Variants in LRSAM1 observed in about 807,000 individuals in gnomAD.
LRSAM1 encodes leucine rich repeat and sterile alpha motif containing 1.
Under a neutral mutation model 118.1 loss-of-function variants are expected in LRSAM1, and 96 were observed. The ratio of observed to expected loss-of-function variants is 0.81; its 90% CI spans 0.69 to 0.96. The LOEUF (loss-of-function observed/expected upper bound fraction) is 0.96, where lower values mean the gene tolerates loss of function less well. Ranked by LOEUF, LRSAM1 falls within the 40% of genes least tolerant of loss-of-function variation. The probability of loss-of-function intolerance (pLI) is 0.00; values close to 1 mark genes in which losing one functional copy is unlikely to be tolerated. For synonymous variants in LRSAM1, 322 were observed against 364.2 expected, an observed-to-expected ratio of 0.88 and a Z score of 1.32; for missense variants, 804 against 915.5, an observed-to-expected ratio of 0.88 and a Z score of 1.57.
At chr9:127,481,113 C>A (rs1441135760) in intron 14 of LRSAM1, 70 bp from the exon 15 acceptor site, 1 of 1,562,986 alleles carries the variant, frequency 6.4e-7, no homozygotes, top group Non-Finnish European at 8.8e-7. Flanking sequence ...CCCCTCTGCA[C>A]AGCTAACGCA....
At chr9:127,500,895 G>C (rs1046216914) in intron 24 of LRSAM1, 115 bp from the exon 25 acceptor site, 4 of 1,437,606 alleles carry the variant, frequency 2.8e-6, no homozygotes, top group Middle Eastern at 1.7e-4. Flanking sequence ...GAGAGCAGAG[G>C]CTCCCCCACC....
Position 127,499,933 on chromosome 9 carries a change from A to G in LRSAM1, c.1913-1077A>G, listed in dbSNP as rs191399506. 7.2e-3 allele frequency among the ~76,000 whole-genome samples: 1,088 copies of G among 152,084 alleles called. 11 individuals carry two copies. Among genetic ancestry groups the G allele is most frequent in the African/African-American group, 0.025 (1,040 of 41,498 alleles). ...AGTGAGACTCCATCTCAAAAAAAAA[A>G]AGAAAAACTTTAGTTTTTCCTGTTA... On this transcript the variant is annotated intron_variant, in intron 24 of 25. Coordinates refer to ENST00000300417, the MANE Select transcript of LRSAM1 (RefSeq NM_001005373.4).
chr9:127,503,154 G>T lies in LRSAM1; in HGVS notation c.*255G>T. The T allele has an allele frequency of 3.7e-6, 2 of 538,478 alleles. No individual in the cohort carries two copies. Among genetic ancestry groups the T allele is most frequent in the Non-Finnish European group, 3.3e-6 (1 of 298,572 alleles). The allele number at this position is 538,478 out of a possible 1,614,324, so 33.4% of individuals were successfully genotyped here. On this transcript the variant is annotated 3_prime_UTR_variant, in exon 26 of 26. Coordinates refer to ENST00000300417, the MANE Select transcript of LRSAM1 (RefSeq NM_001005373.4). Reference sequence around the variant, plus strand: ...GAGAGGCCGCTGCACCACCACCCGAGCCTGGGAGCCAGCGTCCCAGCCTAA... The same window carrying T: ...GAGAGGCCGCTGCACCACCACCCGATCCTGGGAGCCAGCGTCCCAGCCTAA...
intron 19 of LRSAM1, among the ~76,000 whole-genome samples, chr9:127,490,721 G>A (rs1374346504): frequency 6.6e-6 from 1 of 152,216 alleles, no homozygotes; most frequent in Non-Finnish European, 1.5e-5. Flanking sequence ...CAAGTGTGCA[G>A]CACAGGCCTA....
rs775743246 is a variant in LRSAM1 at position 127,497,293 on chromosome 9, G to A, written c.1871G>A (p.Arg624Gln). The part of the protein sequence containing the change: ...SEAGLQHEIL[R>Q]RVQELLDAAR... ...GCTGGCCTGCAGCACGAGATCCTCC[G>A]GAGAGTCCAGGAACTGCTGGATGCA... The change falls in exon 24 of 26, where the codon CGG becomes CAG. Residue 624 changes from arginine (R) to glutamine (Q), a missense_variant. Arg to Gln is a conservative substitution (Grantham distance 43, BLOSUM62 1). Coordinates refer to ENST00000300417, the MANE Select transcript of LRSAM1 (RefSeq NM_001005373.4). 17 of 1,613,038 alleles carry A rather than the reference G, an allele frequency of 1.1e-5. No homozygotes were observed. Among genetic ancestry groups the A allele is most frequent in the South Asian group, 4.4e-5 (4 of 91,080 alleles).
intron 10 of LRSAM1, among the ~76,000 whole-genome samples, chr9:127,469,380 G>A (rs1835079003): frequency 6.6e-6 from 1 of 152,032 alleles, no homozygotes. Context: ...TGAGGCAGGA[G>A]AATCACTTGA....
chr9:127,469,686 G>T (rs1209362804), intron 10 of LRSAM1, among the ~76,000 whole-genome samples: 1 of 151,544 alleles, frequency 6.6e-6, no homozygotes, highest in Non-Finnish European at 1.5e-5. Flanking sequence ...AAAATAGGCC[G>T]GGCGCGGTGG....
At chr9:127,497,202 T>C in intron 23 of LRSAM1, 51 bp from the exon 24 acceptor site, 1 of 1,590,158 alleles carries the variant, frequency 6.3e-7, no homozygotes, top group East Asian at 2.2e-5. Flanking sequence ...CTCACACCAT[T>C]TAGCGGGCTC....
intron 10 of LRSAM1, among the ~76,000 whole-genome samples, chr9:127,469,889 C>T (rs1564262027): frequency 6.6e-6 from 1 of 152,134 alleles, no homozygotes; most frequent in East Asian, 1.9e-4. Flanking sequence ...GGCGTGAACC[C>T]GGGAGGAGGA....
At chr9:127,459,897 T>C (rs1834669856) in intron 7 of LRSAM1, among the ~76,000 whole-genome samples, 1 of 152,206 alleles carries the variant, frequency 6.6e-6, no homozygotes. Context: ...ATTCACTAAT[T>C]TGTAACTTTT....
At chr9:127,471,568 C>G (rs1376523857) in intron 10 of LRSAM1, among the ~76,000 whole-genome samples, 1 of 150,504 alleles carries the variant, frequency 6.6e-6, no homozygotes, top group Non-Finnish European at 1.5e-5. Context: ...GGGTGGATCA[C>G]CTGAGGTCGG....
intron 24 of LRSAM1, among the ~76,000 whole-genome samples, chr9:127,499,406 G>T (rs887872331): frequency 3.3e-5 from 5 of 151,428 alleles, no homozygotes; most frequent in African/African-American, 1.2e-4. Context: ...AATTAGCAAG[G>T]CGTCATCCCA....
At chr9:127,491,635 G>A (rs551116887) in intron 20 of LRSAM1, among the ~76,000 whole-genome samples, 6 of 152,368 alleles carry the variant, frequency 3.9e-5, no homozygotes, top group African/African-American at 1.4e-4. Context: ...TGTAGGCCGT[G>A]CTTTAGGCCC....
chr9:127,464,463 G>T (rs2132020377), intron 9 of LRSAM1, among the ~76,000 whole-genome samples: 1 of 152,104 alleles, frequency 6.6e-6, no homozygotes, highest in South Asian at 2.1e-4. Context: ...ATGTATCTAT[G>T]GAGCACCTGG....
chr9:127,454,892 G>A, intron 3 of LRSAM1, 106 bp from the exon 4 acceptor site: 1 of 1,118,332 alleles, frequency 8.9e-7, no homozygotes, highest in Non-Finnish European at 1.4e-6. Flanking sequence ...ACCAGATAGT[G>A]TCTATGGTCC....
At chr9:127,493,677 G>A (rs1294150050) in intron 21 of LRSAM1, among the ~76,000 whole-genome samples, 1 of 152,180 alleles carries the variant, frequency 6.6e-6, no homozygotes, top group East Asian at 1.9e-4. Context: ...AGGGCAGGCC[G>A]TTTGATAAGC....
intron 16 of LRSAM1, among the ~76,000 whole-genome samples, 155 bp downstream of exon 16, chr9:127,483,175 T>C (rs1443387221): frequency 6.6e-6 from 1 of 152,084 alleles, no homozygotes; most frequent in Non-Finnish European, 1.5e-5. Flanking sequence ...GGCTCTGGGG[T>C]CAGCCTAGAT....
At chr9:127,457,204 G>T in intron 5 of LRSAM1, 112 bp from the exon 6 acceptor site, 1 of 1,145,744 alleles carries the variant, frequency 8.7e-7, no homozygotes, top group Admixed American at 1.9e-5. Context: ...GTGGTGTCTG[G>T]GAGAGCAAGA....
Position 127,482,940 on chromosome 9 carries a change from T to G in LRSAM1, c.1089-10T>G, listed in dbSNP as rs1300905225. The G allele has an allele frequency of 6.4e-7, 1 of 1,552,904 alleles. No homozygotes were observed. Among genetic ancestry groups the G allele is most frequent in the South Asian group, 1.2e-5 (1 of 84,136 alleles). On this transcript the variant is annotated splice_polypyrimidine_tract_variant and intron_variant, in intron 15 of 25. Transcript: ENST00000300417. ...AAATTTGCTGAATGAATGGATGGAT[T>G]TTTTTCTAGAATAAGAATGGAACAG... is the stretch of plus-strand genomic sequence containing the variant.
Sources: gnomAD v4.1 joint callset for allele counts (sites outside exome capture counted in the v4.1 genomes callset) on GRCh38, gnomAD v4.1.1 for gene constraint, MANE v1.5 for transcripts, NCBI Gene and HGNC (gene_info 2026-07-23, HGNC 2026-07-21) for gene names.